Variants in KIAA0930 observed in about 807,000 individuals in gnomAD.
KIAA0930 encodes KIAA0930, also known as uncharacterized protein KIAA0930.
A neutral mutation model predicts 43.9 loss-of-function variants in KIAA0930; 24 were observed. The ratio of observed to expected loss-of-function variants is 0.55; its 90% CI spans 0.40 to 0.77. KIAA0930 has a LOEUF of 0.77. Among genes scored for constraint, KIAA0930 ranks in the 30% least tolerant of loss-of-function variants. The probability of loss-of-function intolerance (pLI) is 0.00; values close to 1 mark genes in which losing one functional copy is unlikely to be tolerated. For missense variants in KIAA0930, 461 were observed against 574.2 expected, an observed-to-expected ratio of 0.80 and a Z score of 2.02; for synonymous variants, 259 against 216.4, an observed-to-expected ratio of 1.20 and a Z score of -1.73.
intron 2 of KIAA0930, 70 bp from the exon 3 acceptor site, chr22:45,205,982 T>C: frequency 1.3e-6 from 2 of 1,581,180 alleles, no homozygotes; most frequent in Non-Finnish European, 1.7e-6. Flanking sequence ...CTGACTACTA[T>C]GCAGGCATTA....
In KIAA0930 at chr22:45,203,836, C is replaced by G. The variant is rs759221159; in HGVS notation, c.657+9G>C. The G allele has an allele frequency of 1.9e-6, 3 of 1,613,320 alleles. No homozygotes were observed. The Admixed American group carries it at 5.0e-5, about 27-fold the overall frequency. On this transcript the variant is annotated intron_variant, in intron 6 of 9. Transcript: ENST00000336156. The stretch of plus-strand genomic sequence containing the variant: ...CAGAAGAACACCCGTGAGGCCGCCC[C>G]GCACTCACCCGGTTGTCATACACCT...
chr22:45,236,302 C>T (rs1423858822), intron 1 of KIAA0930: 2 of 152,518 alleles, frequency 1.3e-5, no homozygotes, highest in East Asian at 3.8e-4. Flanking sequence ...TGCAGCCGCC[C>T]CACAAATCAC....
In KIAA0930 at chr22:45,203,171, G is replaced by A. The variant is rs2083604930; in HGVS notation, c.671C>T (p.Ala224Val). 1 of 1,604,332 alleles carries A rather than the reference G, an allele frequency of 6.2e-7. No homozygotes were observed. The highest frequency in any genetic ancestry group is 8.5e-7 in the Non-Finnish European group (1 of 1,174,410). Residue 224 changes from alanine to valine, a missense_variant, in exon 7 of 10, where the codon GCC (alanine) becomes GTC (valine). By Grantham distance (64) the Ala-to-Val change is moderately conservative. Transcript: ENST00000336156. ...KVYDNRVSVAARMAQKMSFGF... is the reference protein window; with the variant it reads ...KVYDNRVSVAVRMAQKMSFGF... Reference sequence around the variant, plus strand: ...AAACGACATCTTCTGTGCCATGCGGGCGGCCACGCTCACCTGGGGGCCGGC... The same window carrying A: ...AAACGACATCTTCTGTGCCATGCGGACGGCCACGCTCACCTGGGGGCCGGC...
In KIAA0930 at chr22:45,199,874, T is replaced by C. The variant is rs2083571316; in HGVS notation, c.1014A>G (p.Gly338=). 6.4e-7 allele frequency: 1 copy of C among 1,571,344 alleles called. No homozygotes were observed. Among genetic ancestry groups the C allele is most frequent in the Non-Finnish European group, 8.7e-7 (1 of 1,152,766 alleles). Residue 338 remains glycine (G), a splice_region_variant and synonymous_variant, in exon 8 of 10, where the codon GGA becomes GGG. Coordinates refer to ENST00000336156, the MANE Select transcript of KIAA0930 (RefSeq NM_001009880.2). Reference sequence around the variant, plus strand: ...CTAGGGCACGGAGTGGGGGGTCACCTCCACCGTCGTCCTCCCGGAAGAACT... The same window carrying C: ...CTAGGGCACGGAGTGGGGGGTCACCCCCACCGTCGTCCTCCCGGAAGAACT... The part of the protein sequence containing the change: ...SEEFFREDDG[G]ADLHNATNLR...
intron 1 of KIAA0930, among the ~76,000 whole-genome samples, chr22:45,239,578 G>A (rs901205868): frequency 6.6e-6 from 1 of 152,166 alleles, no homozygotes; most frequent in African/African-American, 2.4e-5. Context: ...CCAGCCTCCA[G>A]GGTGTGGCCT....
At chr22:45,201,750 C>A (rs5766533) in intron 7 of KIAA0930, among the ~76,000 whole-genome samples, 14 of 152,016 alleles carry the variant, frequency 9.2e-5, no homozygotes, top group Admixed American at 4.6e-4. Context: ...ATACCTCCCC[C>A]CCAAAAAAAG....
Position 45,240,705 on chromosome 22 carries a change from T to C in KIAA0930, c.-2A>G. The C allele has an allele frequency of 8.1e-7, 1 of 1,231,890 alleles. No homozygotes were observed. The highest frequency in any genetic ancestry group is 1.0e-6 in the Non-Finnish European group (1 of 995,098). 76.3% of individuals were successfully genotyped at this position (1,231,890 alleles called of 1,614,324 possible). ...CTCCTCCGCTATGGCACGCAGCATG[T>C]GCTGCAGCGAGCGCTCCTCGGCCTC... On this transcript the variant is annotated 5_prime_UTR_variant, in exon 1 of 10. Coordinates refer to ENST00000336156, the MANE Select transcript of KIAA0930 (RefSeq NM_001009880.2).
intron 1 of KIAA0930, among the ~76,000 whole-genome samples, chr22:45,224,928 G>C (rs2083789434): frequency 1.3e-5 from 2 of 152,068 alleles, no homozygotes. Context: ...GGTGGGGAGG[G>C]GGCTGAGAAG....
intron 2 of KIAA0930, among the ~76,000 whole-genome samples, chr22:45,209,703 G>A (rs1349176876): frequency 6.6e-6 from 1 of 152,212 alleles, no homozygotes; most frequent in African/African-American, 2.4e-5. Context: ...AACAGACTGA[G>A]GCCAGATATG....
chr22:45,229,448 G>A (rs1244302684), intron 1 of KIAA0930, among the ~76,000 whole-genome samples: 1 of 151,664 alleles, frequency 6.6e-6, no homozygotes, highest in African/African-American at 2.4e-5. Flanking sequence ...TGCGAGGGAT[G>A]AAAAGTCAGA....
chr22:45,201,503 C>T (rs2083588777), intron 7 of KIAA0930, among the ~76,000 whole-genome samples: 1 of 152,222 alleles, frequency 6.6e-6, no homozygotes, highest in Non-Finnish European at 1.5e-5. Flanking sequence ...CGGGTTTGTC[C>T]AGCCCAGAGC....
At chr22:45,230,355 G>A (rs1011809359) in intron 1 of KIAA0930, among the ~76,000 whole-genome samples, 6 of 152,066 alleles carry the variant, frequency 3.9e-5, no homozygotes, top group Non-Finnish European at 7.4e-5. Context: ...CCCAAAATAC[G>A]ACACGCTGGC....
rs1007096593 is a variant in KIAA0930 at position 45,218,366 on chromosome 22, T to C, written c.65-6259A>G. ...TTTTTTTTTTTTTTTTTTTTTTTAG[T>C]AGAGACAGGGTTTCACCATGTTGGC... On this transcript the variant is annotated intron_variant, in intron 1 of 9. Transcript: ENST00000336156. Among the ~76,000 whole-genome samples, 651 of 115,756 alleles carry C rather than the reference T, an allele frequency of 5.6e-3. 3 individuals are homozygous for C. The highest frequency in any genetic ancestry group is 9.1e-3 in the Non-Finnish European group (521 of 57,500). 75.9% of individuals were successfully genotyped at this position (115,756 alleles called of 152,430 possible). A position where few individuals can be genotyped will look rare whatever the true frequency, so the allele number is the denominator to read the frequency against.
chr22:45,210,646 G>A (rs1400525770), intron 2 of KIAA0930, among the ~76,000 whole-genome samples: 3 of 150,944 alleles, frequency 2.0e-5, no homozygotes, highest in South Asian at 2.1e-4. Context: ...CAGACAGGGC[G>A]GGCGTGGCAG....
chr22:45,210,521 G>A (rs902426316), intron 2 of KIAA0930, among the ~76,000 whole-genome samples: 1 of 152,088 alleles, frequency 6.6e-6, no homozygotes, highest in Admixed American at 6.5e-5. Context: ...CTCACCTTTC[G>A]GGGCACCTGC....
At chr22:45,229,425 G>T (rs202042652) in intron 1 of KIAA0930, among the ~76,000 whole-genome samples, 2 of 105,512 alleles carry the variant, frequency 1.9e-5, no homozygotes, top group Admixed American at 2.0e-4. Flanking sequence ...CCAGGCATCC[G>T]TCTCTGAGCT....
In KIAA0930 at chr22:45,212,835, G is replaced by C. The variant is rs555790646; in HGVS notation, c.65-728C>G. Among the ~76,000 whole-genome samples the C allele has an allele frequency of 6.6e-5, 10 of 152,344 alleles. No individual in the cohort carries two copies. The South Asian group carries it at 2.1e-3, about 32-fold the overall frequency. On this transcript the variant is annotated intron_variant, in intron 1 of 9. Transcript: ENST00000336156. ...CCGCTGGTGATGGGACAATGGGCGG[G>C]GGCTCTGAGCCACAGGTTCCTCGGG...
At position 45,197,357 on chromosome 22, in the gene KIAA0930, A is replaced by C. The variant is rs913464687; in HGVS notation, c.1175-141T>G. ...CTCCAGGCCTCACAGACTGCAGAGG[A>C]GACGTGTCTCCACCATCCTCACCCT... On this transcript the variant is annotated intron_variant, in intron 9 of 9. Coordinates refer to ENST00000336156, the MANE Select transcript of KIAA0930 (RefSeq NM_001009880.2). The C allele has an allele frequency of 4.2e-6, 3 of 714,248 alleles. No individual in the cohort carries two copies. The Admixed American group carries it at 8.9e-5, about 21-fold the overall frequency. 44.2% of individuals were successfully genotyped at this position (714,248 alleles called of 1,614,324 possible).
intron 1 of KIAA0930, among the ~76,000 whole-genome samples, chr22:45,225,870 G>T (rs983954538): frequency 2.0e-5 from 3 of 152,262 alleles, no homozygotes; most frequent in African/African-American, 7.2e-5. Context: ...TTGATCTGAT[G>T]AGGAACTTGG....
Sources: allele counts gnomAD v4.1 joint callset (sites outside exome capture counted in the v4.1 genomes callset), GRCh38; gene constraint gnomAD v4.1.1; transcripts MANE v1.5; gene names NCBI Gene and HGNC (gene_info 2026-07-23, HGNC 2026-07-21).